SOX5: variants seen among roughly 807,000 people sequenced by gnomAD.
SOX5 encodes the protein transcription factor SOX-5.
SOX5 carries 9 observed loss-of-function variants against 92.0 expected under a neutral mutation model. The observed-to-expected ratio is 0.10, with a 90% CI of 0.06 to 0.17. SOX5 has a LOEUF of 0.17. Ranked by LOEUF, SOX5 falls within the 10% of genes least tolerant of loss-of-function variation. The pLI is 1.00. For missense variants in SOX5, 642 were observed against 944.5 expected, an observed-to-expected ratio of 0.68 and a Z score of 4.20; for synonymous variants, 344 against 336.3, an observed-to-expected ratio of 1.02 and a Z score of -0.25.
intron 3 of SOX5, among the ~76,000 whole-genome samples, chr12:23,827,955 A>T (rs2096258438): frequency 6.6e-6 from 1 of 151,946 alleles, no homozygotes; most frequent in Non-Finnish European, 1.5e-5. Flanking sequence ...ACATTTGGGA[A>T]TTTATTATTA....
At chr12:23,727,753 T>C (rs942577425) in intron 6 of SOX5, among the ~76,000 whole-genome samples, 1 of 152,174 alleles carries the variant, frequency 6.6e-6, no homozygotes, top group African/African-American at 2.4e-5. Flanking sequence ...TAATTAAATT[T>C]TTTGATAGAG....
chr12:24,139,053 A>G (rs945649155), intron 4 of SOX5, among the ~76,000 whole-genome samples: 4 of 152,222 alleles, frequency 2.6e-5, no homozygotes, highest in African/African-American at 9.6e-5. Context: ...CAAACTGCTC[A>G]GCTGCAACTG....
intron 6 of SOX5, among the ~76,000 whole-genome samples, chr12:23,732,659 A>G (rs2093434092): frequency 6.6e-6 from 1 of 152,088 alleles, no homozygotes; most frequent in Non-Finnish European, 1.5e-5. Context: ...TCCTTTAGGG[A>G]CTTTTTCTTT....
intron 4 of SOX5, among the ~76,000 whole-genome samples, chr12:24,032,363 C>A (rs1178769133): frequency 3.3e-5 from 5 of 151,816 alleles, no homozygotes; most frequent in African/African-American, 1.2e-4. Context: ...TACCATCTAA[C>A]TGAATTTAGT....
intron 4 of SOX5, among the ~76,000 whole-genome samples, chr12:24,019,295 C>T (rs972822601): frequency 3.3e-5 from 5 of 152,180 alleles, no homozygotes; most frequent in African/African-American, 1.2e-4. Context: ...AATGAAAATG[C>T]TTTCCAGCCT....
At chr12:24,173,984 GC>G in intron 4 of SOX5, among the ~76,000 whole-genome samples, 1 of 150,882 alleles carries the variant, frequency 6.6e-6, no homozygotes, top group South Asian at 2.1e-4. Flanking sequence ...ATCTAAGGGT[GC>G]TTTTTTTGTT....
intron 4 of SOX5, among the ~76,000 whole-genome samples, chr12:24,118,557 C>G (rs186060358): frequency 5.9e-5 from 9 of 151,946 alleles, no homozygotes; most frequent in East Asian, 1.9e-4. Flanking sequence ...GATGAGATTA[C>G]TTGACATGAT....
At chr12:24,357,840 CAA>C (rs566913275) in intron 2 of SOX5, among the ~76,000 whole-genome samples, 5 of 105,266 alleles carry the variant, frequency 4.7e-5, no homozygotes, top group Non-Finnish European at 5.8e-5. Flanking sequence ...GACTCCATCT[CAA>C]AAAAAAAAAA....
At chr12:24,329,834 C>T (rs1235478339) in intron 2 of SOX5, among the ~76,000 whole-genome samples, 1 of 152,074 alleles carries the variant, frequency 6.6e-6, no homozygotes, top group Non-Finnish European at 1.5e-5. Flanking sequence ...ACCAGCCTGG[C>T]CAACATGGTG....
chr12:23,663,911 T>A (rs944172796), intron 7 of SOX5, among the ~76,000 whole-genome samples: 1 of 152,096 alleles, frequency 6.6e-6, no homozygotes, highest in Non-Finnish European at 1.5e-5. Context: ...CGGAAAATAA[T>A]ATTAGATGAA....
chr12:23,758,907 C>G (rs1452908548), intron 3 of SOX5, among the ~76,000 whole-genome samples: 1 of 151,932 alleles, frequency 6.6e-6, no homozygotes, highest in Admixed American at 6.6e-5. Context: ...TCACCAGATG[C>G]TAGCACCTTG....
intron 4 of SOX5, among the ~76,000 whole-genome samples, chr12:24,080,566 G>A (rs577355531): frequency 9.9e-5 from 15 of 152,040 alleles, no homozygotes; most frequent in Admixed American, 7.9e-4. Flanking sequence ...TGCCAATGCT[G>A]GTTTCTATTG....
At chr12:23,792,674 C>CACTGCG (rs1240584066) in intron 3 of SOX5, among the ~76,000 whole-genome samples, 2 of 120,678 alleles carry the variant, frequency 1.7e-5, no homozygotes, top group African/African-American at 6.9e-5. Flanking sequence ...TTGGACAAAG[C>CACTGCG]ACTGCGATAT....
chr12:23,950,959 C>T, upstream of SOX5: 1 of 1,119,562 alleles, frequency 8.9e-7, no homozygotes, highest in Non-Finnish European at 1.3e-6. Flanking sequence ...AGATAGTGTG[C>T]ATTCTTCACA....
chr12:24,259,688 C>T (rs900023319), intron 3 of SOX5, among the ~76,000 whole-genome samples: 1 of 152,018 alleles, frequency 6.6e-6, no homozygotes, highest in African/African-American at 2.4e-5. Flanking sequence ...TATAGGTGTC[C>T]AACAATGCAT....
chr12:23,551,154 A>G (rs1404555212), intron 11 of SOX5, among the ~76,000 whole-genome samples: 1 of 152,038 alleles, frequency 6.6e-6, no homozygotes, highest in Non-Finnish European at 1.5e-5. Flanking sequence ...TGACTCAGTA[A>G]CAGTTAAACC....
chr12:24,131,397 C>T (rs916598517), intron 4 of SOX5, among the ~76,000 whole-genome samples: 7 of 152,056 alleles, frequency 4.6e-5, no homozygotes, highest in East Asian at 1.9e-4. Context: ...GAGTTCCTAG[C>T]GGGCAAGAGA....
intron 2 of SOX5, among the ~76,000 whole-genome samples, chr12:24,348,368 T>TTATTTATTTATG (rs1359022863): frequency 2.7e-5 from 4 of 149,586 alleles, no homozygotes; most frequent in Non-Finnish European, 4.4e-5. Flanking sequence ...TGACTCCTAT[T>TTATTTATTTATG]TATTTATTTA....
chr12:23,536,685 G>T lies in SOX5; in HGVS notation c.1772-16C>A. ...CAGCGAGATCCTATGAAGAAAGGAG[G>T]TTAGGATTCCAATTTGCACAGCTTC... On this transcript the variant is annotated splice_polypyrimidine_tract_variant and intron_variant, in intron 13 of 14. Coordinates refer to ENST00000451604, the MANE Select transcript of SOX5 (RefSeq NM_006940.6). 1 of 1,588,918 alleles carries T rather than the reference G, an allele frequency of 6.3e-7. No individual in the cohort carries two copies. The highest frequency in any genetic ancestry group is 8.6e-7 in the Non-Finnish European group (1 of 1,157,180).
Sources: gnomAD v4.1 joint callset for allele counts (sites outside exome capture counted in the v4.1 genomes callset) on GRCh38, gnomAD v4.1.1 for gene constraint, MANE v1.5 for transcripts, NCBI Gene and HGNC (gene_info 2026-07-23, HGNC 2026-07-21) for gene names.